The following ADAM2 variants were observed in gnomAD, a reference collection of about 807,000 sequenced individuals.
The protein encoded by ADAM2 is disintegrin and metalloproteinase domain-containing protein 2.
In ADAM2, 101 loss-of-function variants were observed where a neutral mutation model predicts 99.3. The ratio of observed to expected loss-of-function variants is 1.02; its 90% CI spans 0.87 to 1.20. ADAM2 has a LOEUF of 1.20. ADAM2 is among the 50% of genes most tolerant of loss of function. ADAM2 has a pLI of 0.00. For missense variants in ADAM2, 948 were observed against 878.7 expected (o/e 1.08, Z -1.00); for synonymous variants, 323 against 287.6 (o/e 1.12, Z -1.25).
rs757062961 is a variant in ADAM2, at chr8:39,788,662, GACTT to G, written c.642+3_642+6del. 2.6e-6 allele frequency: 4 copies of G among 1,567,148 alleles called. No homozygotes were observed. The highest frequency in any genetic ancestry group is 4.7e-5 in the East Asian group (2 of 42,770). On this transcript the variant is annotated splice_donor_5th_base_variant and intron_variant, in intron 8 of 20. Transcript: ENST00000265708. The stretch of plus-strand genomic sequence containing the variant: ...AAGTGCAAAAGTACTAAGAAGCAAA[GACTT>G]ACAGCATTCGTCAATCCAATCAACT...
At chr8:39,770,232 C>T (rs1324656863) in intron 11 of ADAM2, among the ~76,000 whole-genome samples, 1 of 152,126 alleles carries the variant, frequency 6.6e-6, no homozygotes, top group Non-Finnish European at 1.5e-5. Flanking sequence ...CAGGCGTGAG[C>T]CAACGCGCCC....
chr8:39,837,357 G>C (rs1586175238), intron 1 of ADAM2, 145 bp from the exon 2 acceptor site: 1 of 559,230 alleles, frequency 1.8e-6, no homozygotes, highest in African/African-American at 2.0e-5. Flanking sequence ...AAAAATACAA[G>C]GAGGTTTTTT....
intron 19 of ADAM2, 110 bp from the exon 20 acceptor site, chr8:39,745,003 G>T: frequency 5.1e-6 from 4 of 787,432 alleles, no homozygotes; most frequent in South Asian, 3.8e-5. Context: ...TAAGAACTGG[G>T]TTCACCCATT....
chr8:39,772,051 C>T (rs537462147), intron 11 of ADAM2, among the ~76,000 whole-genome samples: 1 of 139,988 alleles, frequency 7.1e-6, no homozygotes, highest in Non-Finnish European at 1.5e-5. Context: ...ACGTTGTGCA[C>T]ATGTACCCTA....
At chr8:39,801,974 C>T (rs1054838406) in intron 7 of ADAM2, among the ~76,000 whole-genome samples, 1 of 152,110 alleles carries the variant, frequency 6.6e-6, no homozygotes, top group Non-Finnish European at 1.5e-5. Flanking sequence ...TGCCCCTCCC[C>T]CAAGGAGCTC....
chr8:39,811,462 C>CAG (rs1804692109), intron 6 of ADAM2, among the ~76,000 whole-genome samples: 1 of 152,014 alleles, frequency 6.6e-6, no homozygotes, highest in Non-Finnish European at 1.5e-5. Context: ...AAGCCTGGGG[C>CAG]AGACACAACA....
chr8:39,804,190 A>G (rs1804335621), intron 7 of ADAM2, among the ~76,000 whole-genome samples: 1 of 152,238 alleles, frequency 6.6e-6, no homozygotes, highest in South Asian at 2.1e-4. Context: ...TTATGGAACT[A>G]AAGTGAGAAT....
intron 7 of ADAM2, among the ~76,000 whole-genome samples, chr8:39,804,074 T>C (rs765846185): frequency 1.3e-5 from 2 of 152,172 alleles, no homozygotes; most frequent in African/African-American, 4.8e-5. Flanking sequence ...GGCTAAGTGT[T>C]TGAGCAAGTG....
intron 11 of ADAM2, among the ~76,000 whole-genome samples, chr8:39,776,545 CAA>C (rs950487627): frequency 2.0e-5 from 3 of 151,658 alleles, no homozygotes. Context: ...TTGATATCAG[CAA>C]AAAAAATTCA....
At chr8:39,794,678 A>T (rs1331239016) in intron 7 of ADAM2, among the ~76,000 whole-genome samples, 1 of 152,068 alleles carries the variant, frequency 6.6e-6, no homozygotes, top group Non-Finnish European at 1.5e-5. Flanking sequence ...TTACTGGTGC[A>T]TGCAGCCCCC....
chr8:39,790,784 G>A (rs1036359331), intron 7 of ADAM2, among the ~76,000 whole-genome samples: 2 of 151,872 alleles, frequency 1.3e-5, no homozygotes, highest in African/African-American at 4.8e-5. Flanking sequence ...GAGATCAGTG[G>A]TACATCTCTC....
chr8:39,795,727 C>A (rs1013325989), intron 7 of ADAM2, among the ~76,000 whole-genome samples: 2 of 152,138 alleles, frequency 1.3e-5, no homozygotes, highest in Non-Finnish European at 2.9e-5. Context: ...TGTTCTTAAC[C>A]TTGGCAAAAC....
intron 6 of ADAM2, among the ~76,000 whole-genome samples, chr8:39,816,065 G>T (rs1180582728): frequency 6.6e-6 from 1 of 152,068 alleles, no homozygotes; most frequent in South Asian, 2.1e-4. Flanking sequence ...GGAGGCTGAG[G>T]TGGGTGAATC....
At chr8:39,791,306 G>T (rs972274150) in intron 7 of ADAM2, among the ~76,000 whole-genome samples, 3 of 151,962 alleles carry the variant, frequency 2.0e-5, no homozygotes, top group Non-Finnish European at 2.9e-5. Context: ...AAAGAATGTA[G>T]CCTGATGCTA....
At chr8:39,755,600 G>A in intron 16 of ADAM2, 128 bp downstream of exon 16, 3 of 629,244 alleles carry the variant, frequency 4.8e-6, no homozygotes, top group Non-Finnish European at 8.1e-6. Flanking sequence ...CTTGAACCTG[G>A]GTGGCAGAGG....
intron 7 of ADAM2, among the ~76,000 whole-genome samples, chr8:39,789,938 T>C (rs1419325102): frequency 6.6e-6 from 1 of 151,848 alleles, no homozygotes; most frequent in Non-Finnish European, 1.5e-5. Context: ...AATGCAAATA[T>C]TCTCAACTTC....
At chr8:39,771,356 A>T (rs942374801) in intron 11 of ADAM2, among the ~76,000 whole-genome samples, 1 of 152,220 alleles carries the variant, frequency 6.6e-6, no homozygotes, top group Non-Finnish European at 1.5e-5. Flanking sequence ...ATATTTACCA[A>T]CAACTGGAAT....
At chr8:39,811,104 A>T (rs1804674842) in intron 6 of ADAM2, among the ~76,000 whole-genome samples, 2 of 152,226 alleles carry the variant, frequency 1.3e-5, no homozygotes, top group African/African-American at 4.8e-5. Context: ...GATAAAGGGG[A>T]TATCACCACC....
At chr8:39,779,246 T>C (rs965648918) in intron 10 of ADAM2, among the ~76,000 whole-genome samples, 3 of 152,152 alleles carry the variant, frequency 2.0e-5, no homozygotes, top group Admixed American at 6.6e-5. Context: ...GCAGGGTTGG[T>C]TGGCATCTGC....
Sources: gnomAD v4.1 joint callset for allele counts (sites outside exome capture counted in the v4.1 genomes callset) on GRCh38, gnomAD v4.1.1 for gene constraint, MANE v1.5 for transcripts, NCBI Gene and HGNC (gene_info 2026-07-23, HGNC 2026-07-21) for gene names.